Variants in SMYD3 observed in about 807,000 individuals in gnomAD.
SMYD3 encodes the protein histone-lysine N-methyltransferase SMYD3.
SMYD3 carries 36 observed loss-of-function variants against 57.7 expected under a neutral mutation model. The observed-to-expected ratio is 0.62, with a 90% confidence interval of 0.48 to 0.82. The LOEUF (loss-of-function observed/expected upper bound fraction) is 0.82. Ranked by LOEUF, SMYD3 falls within the 40% of genes least tolerant of loss-of-function variation. The probability of loss-of-function intolerance (pLI) is 0.00; values close to 1 mark genes in which losing one functional copy is unlikely to be tolerated. For missense variants in SMYD3, 515 were observed against 538.8 expected, an observed-to-expected ratio of 0.96 and a Z score of 0.44; for synonymous variants, 211 against 195.0, an observed-to-expected ratio of 1.08 and a Z score of -0.68.
intron 10 of SMYD3, among the ~76,000 whole-genome samples, chr1:245,830,445 T>C (rs577793350): frequency 5.9e-5 from 9 of 152,340 alleles, no homozygotes; most frequent in South Asian, 2.1e-4. Flanking sequence ...GCCTCCATGA[T>C]TCAATTATCT....
intron 1 of SMYD3, among the ~76,000 whole-genome samples, chr1:246,451,717 T>G (rs1283098629): frequency 6.6e-6 from 1 of 152,254 alleles, no homozygotes; most frequent in Admixed American, 6.5e-5. Flanking sequence ...TAGGGGAGGC[T>G]GTGCATGTGT....
chr1:246,106,913 A>G (rs1462205722), intron 5 of SMYD3, among the ~76,000 whole-genome samples: 1 of 152,186 alleles, frequency 6.6e-6, no homozygotes, highest in Non-Finnish European at 1.5e-5. Flanking sequence ...CTCAACAGCA[A>G]AGTGAGGAGA....
intron 2 of SMYD3, among the ~76,000 whole-genome samples, chr1:246,352,952 C>G (rs528288259): frequency 6.6e-6 from 1 of 152,304 alleles, no homozygotes; most frequent in Admixed American, 6.5e-5. Flanking sequence ...ATATGATAAT[C>G]TGTCGCTTCT....
In SMYD3 at chr1:246,309,406, T is replaced by C. The variant is rs1409174391; in HGVS notation, c.531+17795A>G. Among the ~76,000 whole-genome samples the C allele has an allele frequency of 2.6e-5, 4 of 152,240 alleles. No homozygotes were observed. The East Asian group carries it at 7.7e-4, about 29-fold the overall frequency. On this transcript the variant is annotated intron_variant, in intron 5 of 11. Transcript: ENST00000490107. ...CTAGAGAGTTCACCACAAACAGGAA[T>C]AGAATAACCAAAAACTCCAATACAT...
At chr1:246,307,546 A>G (rs952591242) in intron 5 of SMYD3, among the ~76,000 whole-genome samples, 1 of 149,902 alleles carries the variant, frequency 6.7e-6, no homozygotes, top group African/African-American at 2.5e-5. Context: ...CAGCCTCCCG[A>G]GTAGCTGGGA....
At chr1:246,241,270 A>G (rs1269930244) in intron 5 of SMYD3, among the ~76,000 whole-genome samples, 1 of 152,184 alleles carries the variant, frequency 6.6e-6, no homozygotes, top group Non-Finnish European at 1.5e-5. Context: ...CGTCACATCA[A>G]TGCCTAGTTT....
chr1:246,365,870 C>CT lies in SMYD3; in HGVS notation c.165-10777dup, dbSNP rs1558426813. On this transcript the variant is annotated intron_variant, in intron 1 of 11. Coordinates refer to ENST00000490107, the MANE Select transcript of SMYD3 (RefSeq NM_001167740.2). ...GCCAATCTGAGAACCGCAGCCAAAA[C>CT]TGGGAGAGGGTTCTTTCTTTAGCAA... Among the ~76,000 whole-genome samples, 3 of 152,192 alleles carry CT rather than the reference C, an allele frequency of 2.0e-5. No homozygotes were observed. The South Asian group carries it at 6.2e-4, about 31-fold the overall frequency.
intron 5 of SMYD3, among the ~76,000 whole-genome samples, chr1:245,957,145 T>C (rs2057869685): frequency 6.6e-6 from 1 of 152,132 alleles, no homozygotes; most frequent in Non-Finnish European, 1.5e-5. Context: ...TGAAAAGGAA[T>C]TAAATCCAAA....
chr1:246,367,881 G>T (rs1444947933), intron 1 of SMYD3, among the ~76,000 whole-genome samples: 2 of 152,070 alleles, frequency 1.3e-5, no homozygotes, highest in Admixed American at 6.5e-5. Flanking sequence ...AAATAAATGG[G>T]ATCGTTAGCA....
chr1:245,946,262 G>A (rs10924399), intron 5 of SMYD3, among the ~76,000 whole-genome samples: 26,384 of 152,066 alleles, frequency 0.17, 3,977 homozygotes, highest in African/African-American at 0.41. Context: ...GGAGAGGAGA[G>A]ATGGTCTCAG....
chr1:245,963,361 C>T (rs761072217), intron 5 of SMYD3, among the ~76,000 whole-genome samples: 2 of 152,204 alleles, frequency 1.3e-5, no homozygotes, highest in East Asian at 3.9e-4. Flanking sequence ...GACAGAGGGG[C>T]GCATACAGAG....
At chr1:246,161,156 T>C (rs1258556153) in intron 5 of SMYD3, among the ~76,000 whole-genome samples, 9 of 152,106 alleles carry the variant, frequency 5.9e-5, no homozygotes, top group Non-Finnish European at 1.5e-5. Context: ...CCTCTACAAA[T>C]GAACATGCAG....
chr1:245,865,853 C>CT (rs2051804817), intron 8 of SMYD3, among the ~76,000 whole-genome samples: 1 of 152,218 alleles, frequency 6.6e-6, no homozygotes, highest in Non-Finnish European at 1.5e-5. Flanking sequence ...GACAGTGCTG[C>CT]TTTCAGGTGG....
At chr1:245,925,658 A>G (rs1053916133) in intron 7 of SMYD3, among the ~76,000 whole-genome samples, 3 of 152,218 alleles carry the variant, frequency 2.0e-5, no homozygotes, top group Non-Finnish European at 4.4e-5. Flanking sequence ...TCATTAGAGT[A>G]AGCTCAATAT....
At chr1:245,755,833 C>T (rs932007732) in intron 11 of SMYD3, among the ~76,000 whole-genome samples, 3 of 151,978 alleles carry the variant, frequency 2.0e-5, no homozygotes, top group Non-Finnish European at 4.4e-5. Context: ...TGTTAAAAAT[C>T]TGTTCTACTA....
intron 5 of SMYD3, among the ~76,000 whole-genome samples, chr1:246,161,673 T>C (rs79866013): frequency 0.015 from 2,336 of 152,356 alleles, 59 homozygotes; most frequent in African/African-American, 0.052. Context: ...TCTTATCAAA[T>C]GTATGGCTTA....
chr1:246,293,660 C>T (rs1423961981), intron 5 of SMYD3, among the ~76,000 whole-genome samples: 1 of 151,852 alleles, frequency 6.6e-6, no homozygotes, highest in Non-Finnish European at 1.5e-5. Context: ...AATTCCTTTG[C>T]TCTCACCTTC....
chr1:245,764,169 A>G lies in SMYD3; in HGVS notation c.1077-20T>C. The stretch of plus-strand genomic sequence containing the variant: ...AAAATCCTGGAAGAAACCAAACGGC[A>G]AACAGTGTCAGCAGCCCTCACCTTT... On this transcript the variant is annotated intron_variant, in intron 10 of 11. Coordinates refer to ENST00000490107, the MANE Select transcript of SMYD3 (RefSeq NM_001167740.2). 6.4e-7 allele frequency: 1 copy of G among 1,551,952 alleles called. No individual in the cohort carries two copies. Among genetic ancestry groups the G allele is most frequent in the Non-Finnish European group, 8.9e-7 (1 of 1,123,410 alleles).
intron 5 of SMYD3, among the ~76,000 whole-genome samples, chr1:246,262,439 G>A (rs58793014): frequency 0.21 from 31,633 of 152,068 alleles, 4,008 homozygotes; most frequent in East Asian, 0.58. Flanking sequence ...ATCTTAACTC[G>A]TTTAATCTTG....
Sources: gnomAD v4.1 joint callset for allele counts (sites outside exome capture counted in the v4.1 genomes callset) on GRCh38, gnomAD v4.1.1 for gene constraint, MANE v1.5 for transcripts, NCBI Gene and HGNC (gene_info 2026-07-23, HGNC 2026-07-21) for gene names.